Variants in CRK observed in about 807,000 individuals in gnomAD.
The protein encoded by CRK is adapter molecule crk.
Under a neutral mutation model 29.8 loss-of-function variants are expected in CRK, and 4 were observed. The ratio of observed to expected loss-of-function variants is 0.13; its 90% confidence interval spans 0.07 to 0.31. The LOEUF (loss-of-function observed/expected upper bound fraction) is 0.31, where lower values mean the gene tolerates loss of function less well. Ranked by LOEUF, CRK falls within the 10% of genes least tolerant of loss-of-function variation. The pLI is 1.00. For missense variants in CRK, 274 were observed against 396.5 expected (o/e 0.69, Z 2.62); for synonymous variants, 153 against 164.9 (o/e 0.93, Z 0.55).
intron 1 of CRK, among the ~76,000 whole-genome samples, chr17:1,440,709 G>A (rs375662537): frequency 3.9e-5 from 6 of 152,228 alleles, no homozygotes; most frequent in African/African-American, 9.6e-5. Flanking sequence ...ACAGGAGAGC[G>A]AGACTTCGTC....
chr17:1,436,475 C>A (rs1186538103), intron 2 of CRK, 145 bp downstream of exon 2: 3 of 829,144 alleles, frequency 3.6e-6, no homozygotes, highest in Admixed American at 3.6e-5. Flanking sequence ...AGAGAAAACC[C>A]AACATTCAAT....
At chr17:1,436,317 A>T (rs1460695947) in intron 2 of CRK, among the ~76,000 whole-genome samples, 1 of 152,198 alleles carries the variant, frequency 6.6e-6, no homozygotes, top group Non-Finnish European at 1.5e-5. Flanking sequence ...ACAGATGAGG[A>T]TGTAGATGAG....
At chr17:1,426,794 G>A (rs7218940) in intron 2 of CRK, among the ~76,000 whole-genome samples, 31 of 151,798 alleles carry the variant, frequency 2.0e-4, no homozygotes, top group East Asian at 9.7e-4. Flanking sequence ...CCTGGGAAGA[G>A]GAGGTTGCAG....
In CRK at chr17:1,430,887, G is replaced by GA. The variant is rs558786354; in HGVS notation, c.777+5732dup. 4.1e-3 allele frequency among the ~76,000 whole-genome samples: 617 copies of GA among 151,506 alleles called. 2 individuals are homozygous for GA. The highest frequency in any genetic ancestry group is 9.7e-3 in the Admixed American group (147 of 15,174). On this transcript the variant is annotated intron_variant, in intron 2 of 2. Coordinates refer to ENST00000300574, the MANE Select transcript of CRK (RefSeq NM_016823.4). ...TCGAGACCATCCTGGCTAACACGGTGAAACCCCGTCTCTACTAAAAATACA... is the reference window on the plus strand; with the variant it reads ...TCGAGACCATCCTGGCTAACACGGTGAAAACCCCGTCTCTACTAAAAATACA...
chr17:1,441,876 G>A (rs1044293798), intron 1 of CRK, among the ~76,000 whole-genome samples: 2 of 150,770 alleles, frequency 1.3e-5, no homozygotes, highest in Non-Finnish European at 3.0e-5. Flanking sequence ...TGTTTTCTGA[G>A]ATAGGGTCTG....
Position 1,427,072 on chromosome 17 carries a change from A to AAAAAAAAAAAAAAAAG in CRK, c.778-3423_778-3422insCTTTTTTTTTTTTTTT, listed in dbSNP as rs778793991. Among the ~76,000 whole-genome samples, 16 of 92,074 alleles carry AAAAAAAAAAAAAAAAG rather than the reference A, an allele frequency of 1.7e-4. 4 individuals are homozygous for AAAAAAAAAAAAAAAAG. The highest frequency in any genetic ancestry group is 3.1e-4 in the Non-Finnish European group (15 of 47,912). The allele number at this position is 92,074 out of a possible 152,430, so 60.4% of individuals were successfully genotyped here. A position where few individuals can be genotyped will look rare whatever the true frequency, so the allele number is the denominator to read the frequency against. On this transcript the variant is annotated intron_variant, in intron 2 of 2. Transcript: ENST00000300574. ...AAAAAAAAAAAAAAAAAAAAAAAAA[A>AAAAAAAAAAAAAAAAG]GATTCTGACATGCCCCAGCCAGGCT... is the stretch of plus-strand genomic sequence containing the variant.
In CRK at chr17:1,437,028, C is replaced by T; in HGVS notation, c.369G>A (p.Gln123=). ...CCTGCCTGAGAATCACTCCACTACC[C>T]TGCCTGGATCTGGAAACTGGTTCTA... The part of the protein sequence containing the change: ...TLIEPVSRSR[Q]GSGVILRQEE... The change falls in exon 2 of 3, where the codon CAG becomes CAA. Residue 123 remains glutamine, a synonymous_variant. Coordinates refer to ENST00000300574, the MANE Select transcript of CRK (RefSeq NM_016823.4). The T allele has an allele frequency of 6.2e-7, 1 of 1,614,148 alleles. No homozygotes were observed. Among genetic ancestry groups the T allele is most frequent in the Non-Finnish European group, 8.5e-7 (1 of 1,180,034 alleles).
At chr17:1,433,958 C>T (rs1237722839) in intron 2 of CRK, among the ~76,000 whole-genome samples, 5 of 151,914 alleles carry the variant, frequency 3.3e-5, no homozygotes, top group East Asian at 1.9e-4. Flanking sequence ...CCTCAGCCTC[C>T]GAAAGTGCTG....
At chr17:1,430,912 A>C (rs2073838519) in intron 2 of CRK, among the ~76,000 whole-genome samples, 2 of 151,334 alleles carry the variant, frequency 1.3e-5, no homozygotes, top group African/African-American at 2.4e-5. Context: ...CTAAAAATAC[A>C]AAAAAATTAA....
intron 2 of CRK, among the ~76,000 whole-genome samples, chr17:1,429,973 A>G (rs750011679): frequency 2.6e-5 from 4 of 152,010 alleles, no homozygotes; most frequent in African/African-American, 4.8e-5. Context: ...TTTTCTTTAC[A>G]GATGATTAGG....
chr17:1,426,036 T>A (rs2073776072), intron 2 of CRK, among the ~76,000 whole-genome samples: 1 of 151,766 alleles, frequency 6.6e-6, no homozygotes, highest in Admixed American at 6.6e-5. Context: ...CAAAAAAATT[T>A]AAAAAGCCAA....
chr17:1,441,143 G>T (rs1337422861), intron 1 of CRK, among the ~76,000 whole-genome samples: 1 of 152,064 alleles, frequency 6.6e-6, no homozygotes, highest in Non-Finnish European at 1.5e-5. Context: ...GCCCAAGCCA[G>T]TCTCGAATTC....
In CRK at chr17:1,456,129, C is replaced by A; in HGVS notation, c.-12G>T. 1.3e-6 allele frequency: 2 copies of A among 1,516,700 alleles called. No individual in the cohort carries two copies. The highest frequency in any genetic ancestry group is 1.2e-5 in the South Asian group (1 of 81,042). 94.0% of individuals were successfully genotyped at this position (1,516,700 alleles called of 1,614,324 possible). On this transcript the variant is annotated 5_prime_UTR_variant, in exon 1 of 3. Coordinates refer to ENST00000300574, the MANE Select transcript of CRK (RefSeq NM_016823.4). ...AAGTTGCCCGCCATGGCTGCCTCCG[C>A]GCCTAAACGCTGGGGTGCCGCCGCC...
At chr17:1,425,677 G>A (rs915131555) in intron 2 of CRK, among the ~76,000 whole-genome samples, 3 of 152,180 alleles carry the variant, frequency 2.0e-5, no homozygotes, top group African/African-American at 7.2e-5. Context: ...ACATCTACTG[G>A]CCAAAGCCAA....
At position 1,455,962 on chromosome 17, in the gene CRK, T is replaced by G. The variant is rs1399025696; in HGVS notation, c.156A>C (p.Ser52=). 6.2e-7 allele frequency: 1 copy of G among 1,602,586 alleles called. No individual in the cohort carries two copies. The highest frequency in any genetic ancestry group is 8.5e-7 in the Non-Finnish European group (1 of 1,175,884). Residue 52 remains serine (S), a synonymous_variant, in exon 1 of 3, where the codon TCA becomes TCC. Transcript: ENST00000300574. The part of the protein sequence containing the change: ...TSPGDYVLSV[S]ENSRVSHYII... ...TGTAGTGGGAGACGCGCGAGTTCTCTGAGACGCTGAGCACATAGTCCCCGG... is the reference window on the plus strand; with the variant it reads ...TGTAGTGGGAGACGCGCGAGTTCTCGGAGACGCTGAGCACATAGTCCCCGG...
intron 1 of CRK, among the ~76,000 whole-genome samples, chr17:1,446,382 G>A (rs2073974737): frequency 6.6e-6 from 1 of 152,080 alleles, no homozygotes; most frequent in South Asian, 2.1e-4. Context: ...GAAGAAGGAA[G>A]GTAACCACCC....
intron 1 of CRK, among the ~76,000 whole-genome samples, chr17:1,440,852 C>T (rs572837733): frequency 6.6e-6 from 1 of 152,294 alleles, no homozygotes; most frequent in Non-Finnish European, 1.5e-5. Context: ...TACCGTGAGT[C>T]GTGATCATGC....
chr17:1,426,497 G>A (rs999208748), intron 2 of CRK: 3 of 152,134 alleles, frequency 2.0e-5, no homozygotes, highest in African/African-American at 4.8e-5. Flanking sequence ...TTTGGGAGGC[G>A]AGGTAGGAGG....
In CRK at chr17:1,425,361, T is replaced by G. The variant is rs182662061; in HGVS notation, c.778-1711A>C. On this transcript the variant is annotated intron_variant, in intron 2 of 2. Transcript: ENST00000300574. ...CCCGCCTCGGCCTCCCAAAGTGCTA[T>G]GATTACAGGTGTGAGCCACCACGCC... is the stretch of plus-strand genomic sequence containing the variant. 4.6e-5 allele frequency among the ~76,000 whole-genome samples: 7 copies of G among 152,148 alleles called. No individual in the cohort carries two copies. The East Asian group carries it at 5.8e-4, about 13-fold the overall frequency.
Sources: gnomAD v4.1 joint callset for allele counts (sites outside exome capture counted in the v4.1 genomes callset) on GRCh38, gnomAD v4.1.1 for gene constraint, MANE v1.5 for transcripts, NCBI Gene and HGNC (gene_info 2026-07-23, HGNC 2026-07-21) for gene names.